CHCHD3: variants seen among roughly 807,000 people sequenced by gnomAD.
The protein encoded by CHCHD3 is coiled-coil-helix-coiled-coil-helix domain containing 3, also known as MICOS complex subunit MIC19.
A neutral mutation model predicts 38.2 loss-of-function variants in CHCHD3; 20 were observed. The ratio of observed to expected loss-of-function variants is 0.52; its 90% CI spans 0.37 to 0.76. CHCHD3 has a LOEUF of 0.76. Among genes scored for constraint, CHCHD3 ranks in the 30% least tolerant of loss-of-function variants. The probability of loss-of-function intolerance (pLI) is 0.00; values close to 1 mark genes in which losing one functional copy is unlikely to be tolerated. For missense variants in CHCHD3, 245 were observed against 279.2 expected (o/e 0.88, Z 0.87); for synonymous variants, 82 against 100.0 (o/e 0.82, Z 1.07).
chr7:132,898,058 G>T (rs1294715281), intron 4 of CHCHD3, among the ~76,000 whole-genome samples: 1 of 151,722 alleles, frequency 6.6e-6, no homozygotes, highest in Non-Finnish European at 1.5e-5. Context: ...GGAGTTGTTT[G>T]TTCCTCCCGG....
In CHCHD3 at chr7:133,024,635, C is replaced by T. The variant is rs749188246; in HGVS notation, c.170-8G>A. On this transcript the variant is annotated splice_polypyrimidine_tract_variant and splice_region_variant and intron_variant, in intron 2 of 7. Transcript: ENST00000262570. Reference sequence around the variant, plus strand: ...TCAATTCTTCATCAGAAACTAGAATCGATAAAGAGCAGAAGGAGATAAAAT... The same window carrying T: ...TCAATTCTTCATCAGAAACTAGAATTGATAAAGAGCAGAAGGAGATAAAAT... 3.8e-5 allele frequency: 61 copies of T among 1,595,552 alleles called. 1 individual carries two copies. Among genetic ancestry groups the T allele is most frequent in the Non-Finnish European group, 3.5e-5 (41 of 1,163,418 alleles).
intron 5 of CHCHD3, among the ~76,000 whole-genome samples, chr7:132,865,601 G>C (rs141608056): frequency 1.4e-3 from 220 of 152,278 alleles, no homozygotes; most frequent in African/African-American, 4.8e-3. Context: ...TATTGTTACT[G>C]CTTGAGACCA....
chr7:132,978,763 AC>A (rs1481647693), intron 3 of CHCHD3, among the ~76,000 whole-genome samples: 39 of 152,152 alleles, frequency 2.6e-4, no homozygotes, highest in African/African-American at 8.9e-4. Context: ...AGCCCCTCCA[AC>A]ATCAACACCT....
At chr7:132,876,139 T>C (rs997279985) in intron 5 of CHCHD3, among the ~76,000 whole-genome samples, 2 of 152,324 alleles carry the variant, frequency 1.3e-5, no homozygotes, top group African/African-American at 2.4e-5. Flanking sequence ...AAAATACGCA[T>C]TGGCTGGTCT....
intron 5 of CHCHD3, among the ~76,000 whole-genome samples, chr7:132,843,983 G>A (rs1365857095): frequency 6.6e-6 from 1 of 152,196 alleles, no homozygotes; most frequent in Non-Finnish European, 1.5e-5. Context: ...AATCCATTAA[G>A]ATGACCTTAA....
chr7:133,021,331 T>A (rs1420404509), intron 3 of CHCHD3, among the ~76,000 whole-genome samples: 1 of 152,194 alleles, frequency 6.6e-6, no homozygotes, highest in Non-Finnish European at 1.5e-5. Context: ...ATCAGGGGCA[T>A]GCAAAGAAAT....
At position 133,004,527 on chromosome 7, in the gene CHCHD3, G is replaced by A. The variant is rs1812651367; in HGVS notation, c.251+20019C>T. ...TAAAACCATCTAGCCTAGAGGTCAG[G>A]TTAACTAATGCCATGGTAGAAACTC... On this transcript the variant is annotated intron_variant, in intron 3 of 7. Transcript: ENST00000262570. 2.0e-5 allele frequency among the ~76,000 whole-genome samples: 3 copies of A among 152,188 alleles called. No homozygotes were observed. The South Asian group carries it at 6.2e-4, about 31-fold the overall frequency.
intron 3 of CHCHD3, among the ~76,000 whole-genome samples, chr7:132,989,315 T>C (rs1011639): frequency 1.0e-3 from 157 of 151,828 alleles, no homozygotes; most frequent in African/African-American, 3.6e-3. Flanking sequence ...CAAAGGAACA[T>C]AGAAAAGGTG....
chr7:132,924,736 A>G (rs954542959), intron 4 of CHCHD3, among the ~76,000 whole-genome samples: 5 of 152,230 alleles, frequency 3.3e-5, no homozygotes, highest in African/African-American at 1.2e-4. Flanking sequence ...ACACAAATAT[A>G]TTCCTTTAAG....
chr7:132,912,860 T>C (rs576447109), intron 4 of CHCHD3, among the ~76,000 whole-genome samples: 2 of 152,306 alleles, frequency 1.3e-5, no homozygotes, highest in South Asian at 2.1e-4. Flanking sequence ...CGGCCAAAGA[T>C]GGGACTACTA....
At chr7:132,850,613 C>T (rs1338215699) in intron 5 of CHCHD3, among the ~76,000 whole-genome samples, 2 of 152,124 alleles carry the variant, frequency 1.3e-5, no homozygotes, top group Non-Finnish European at 2.9e-5. Context: ...ACTCATTTGG[C>T]ATTCTAAGTT....
At chr7:133,026,521 AC>A (rs1181731097) in intron 2 of CHCHD3, among the ~76,000 whole-genome samples, 3 of 152,230 alleles carry the variant, frequency 2.0e-5, no homozygotes, top group Non-Finnish European at 4.4e-5. Flanking sequence ...AATTTTAGGT[AC>A]TATATATACT....
At chr7:132,907,913 G>A (rs771973625) in intron 4 of CHCHD3, among the ~76,000 whole-genome samples, 1 of 152,046 alleles carries the variant, frequency 6.6e-6, no homozygotes, top group African/African-American at 2.4e-5. Flanking sequence ...GCAGTGAACT[G>A]CAGAACTGAA....
chr7:133,055,493 T>C (rs1814297045), intron 2 of CHCHD3, among the ~76,000 whole-genome samples: 1 of 144,936 alleles, frequency 6.9e-6, no homozygotes, highest in African/African-American at 2.6e-5. Context: ...AATTGTTATA[T>C]ATTTATTATA....
intron 4 of CHCHD3, among the ~76,000 whole-genome samples, chr7:132,888,684 T>C (rs192931791): frequency 1.9e-3 from 286 of 152,046 alleles, no homozygotes; most frequent in Non-Finnish European, 2.9e-3. Flanking sequence ...TAAGATATAA[T>C]CTGACAATAG....
intron 3 of CHCHD3, among the ~76,000 whole-genome samples, chr7:132,994,041 G>C (rs547713049): frequency 6.6e-6 from 1 of 152,268 alleles, no homozygotes; most frequent in Non-Finnish European, 1.5e-5. Context: ...TAAGTAAAAA[G>C]TGCAAGATAG....
intron 1 of CHCHD3, among the ~76,000 whole-genome samples, chr7:133,073,098 A>C (rs1194244404): frequency 1.3e-5 from 2 of 152,122 alleles, no homozygotes; most frequent in Admixed American, 1.3e-4. Context: ...TTATGTAAAT[A>C]AATATTTTAT....
chr7:132,915,745 A>T (rs1042914205), intron 4 of CHCHD3, among the ~76,000 whole-genome samples: 2 of 152,140 alleles, frequency 1.3e-5, no homozygotes, highest in African/African-American at 2.4e-5. Flanking sequence ...TACTTAAGAG[A>T]GAAGATTTCC....
intron 1 of CHCHD3, among the ~76,000 whole-genome samples, chr7:133,078,864 T>C (rs1016398597): frequency 6.6e-6 from 1 of 152,230 alleles, no homozygotes; most frequent in African/African-American, 2.4e-5. Flanking sequence ...AACGTTTTCT[T>C]CAGCCAAGCT....
Sources: allele counts gnomAD v4.1 joint callset (sites outside exome capture counted in the v4.1 genomes callset), GRCh38; gene constraint gnomAD v4.1.1; transcripts MANE v1.5; gene names NCBI Gene and HGNC (gene_info 2026-07-23, HGNC 2026-07-21).